The following DMD variants were observed in gnomAD, a reference collection of about 807,000 sequenced individuals.
DMD encodes the protein dystrophin.
In DMD, 63 loss-of-function variants were observed where a neutral mutation model predicts 330.1. The observed-to-expected ratio is 0.19, with a 90% CI of 0.16 to 0.24. DMD has a LOEUF of 0.24. Ranked by LOEUF, DMD falls within the 10% of genes least tolerant of loss-of-function variation. DMD has a pLI of 1.00. For missense variants in DMD, 3,344 were observed against 2,684.1 expected (o/e 1.25, Z -5.43); for synonymous variants, 1,223 against 959.8 (o/e 1.27, Z -5.07).
intron 2 of DMD, among the ~76,000 whole-genome samples, chrX:32,986,032 T>C (rs1205917927): frequency 8.9e-6 from 1 of 111,892 alleles, no homozygotes; most frequent in African/African-American, 3.2e-5. Flanking sequence ...ATTACTTTTC[T>C]AAATTGCGAC....
chrX:32,433,019 G>C (rs189138002), intron 29 of DMD, among the ~76,000 whole-genome samples: 123 of 112,166 alleles, frequency 1.1e-3, no homozygotes, highest in African/African-American at 3.5e-3. Context: ...TGAAATACGG[G>C]CATTAATAAG....
intron 2 of DMD, among the ~76,000 whole-genome samples, chrX:32,977,315 A>G (rs1018746090): frequency 2.7e-5 from 3 of 111,055 alleles, no homozygotes; most frequent in Non-Finnish European, 5.7e-5. Context: ...AAAGAAAAAA[A>G]GAAATAATGT....
At chrX:32,146,374 G>A (rs1194250916) in intron 44 of DMD, among the ~76,000 whole-genome samples, 7 of 111,451 alleles carry the variant, frequency 6.3e-5, no homozygotes, top group African/African-American at 2.3e-4. Flanking sequence ...GGGATGGTGG[G>A]AGAGAGAGAA....
chrX:32,590,716 C>T (rs1262265539), intron 13 of DMD, among the ~76,000 whole-genome samples: 2 of 111,430 alleles, frequency 1.8e-5, no homozygotes, highest in Non-Finnish European at 3.8e-5. Flanking sequence ...CCAGTGATTT[C>T]CCAGGGGCTC....
At chrX:32,961,163 G>T (rs920775436) in intron 2 of DMD, among the ~76,000 whole-genome samples, 1 of 110,883 alleles carries the variant, frequency 9.0e-6, no homozygotes, top group African/African-American at 3.3e-5. Flanking sequence ...GGTATGGCTT[G>T]GTTTCTGGCT....
At chrX:32,849,295 G>A (rs1207198404) in intron 3 of DMD, among the ~76,000 whole-genome samples, 1 of 111,319 alleles carries the variant, frequency 9.0e-6, no homozygotes, top group East Asian at 2.8e-4. Flanking sequence ...AGTTCAAGAG[G>A]AAGTGATATT....
At chrX:32,748,700 G>A (rs112386435) in intron 7 of DMD, among the ~76,000 whole-genome samples, 8,481 of 111,564 alleles carry the variant, frequency 0.076, 663 homozygotes, top group African/African-American at 0.24. Flanking sequence ...CAATACATAG[G>A]GATTGACTAA....
chrX:31,792,697 A>G (rs1302251767), intron 50 of DMD, among the ~76,000 whole-genome samples: 4 of 111,807 alleles, frequency 3.6e-5, no homozygotes, highest in Non-Finnish European at 7.5e-5. Flanking sequence ...GGGAGTGTGC[A>G]AGCAAACGAG....
intron 2 of DMD, among the ~76,000 whole-genome samples, chrX:32,909,177 A>C (rs1471108294): frequency 1.9e-5 from 2 of 105,069 alleles, no homozygotes; most frequent in African/African-American, 3.4e-5. Context: ...AAAAAAAGTA[A>C]CCTGAGTATA....
chrX:32,416,104 T>G (rs1195531944), intron 29 of DMD, among the ~76,000 whole-genome samples: 1 of 111,752 alleles, frequency 8.9e-6, no homozygotes, highest in African/African-American at 3.2e-5. Flanking sequence ...ACTCTGCATG[T>G]GAAATAAAAA....
At chrX:33,229,762 A>G (rs1335214508) in intron 1 of DMD, among the ~76,000 whole-genome samples, 1 of 111,742 alleles carries the variant, frequency 8.9e-6, no homozygotes, top group East Asian at 2.8e-4. Context: ...ACTTTTCCGT[A>G]TAAATTTAGA....
At chrX:32,855,305 A>G (rs765672995) in intron 2 of DMD, among the ~76,000 whole-genome samples, 6 of 112,104 alleles carry the variant, frequency 5.4e-5, no homozygotes, top group Non-Finnish European at 1.1e-4. Context: ...ACATATTACT[A>G]CAAGTCCTAG....
Position 31,479,047 on chromosome X carries a change from A to G in DMD, c.8604T>C (p.Thr2868=). The G allele has an allele frequency of 8.3e-7, 1 of 1,206,755 alleles. No individual in the cohort carries two copies. The highest frequency in any genetic ancestry group is 3.0e-5 in the East Asian group (1 of 33,813). Residue 2868 remains threonine, a synonymous_variant, in exon 58 of 79, where the codon ACT becomes ACC. Coordinates refer to ENST00000357033, the MANE Select transcript of DMD (RefSeq NM_004006.3). ...KEPVIMSTLE[T]VRIFLTEQPL... ...GCTGCTCTGTCAGAAATATTCGTAC[A>G]GTCTCAAGAGTACTCATGATTACAG...
intron 43 of DMD, among the ~76,000 whole-genome samples, chrX:32,241,608 G>C (rs780242020): frequency 3.6e-5 from 4 of 112,098 alleles, no homozygotes; most frequent in African/African-American, 1.3e-4. Context: ...CTGTTGTTTT[G>C]TGGTTCAGTG....
intron 45 of DMD, among the ~76,000 whole-genome samples, chrX:31,955,003 CA>C (rs530305580): frequency 0.22 from 13,389 of 60,144 alleles, 1,444 homozygotes; most frequent in African/African-American, 0.4. Context: ...CTGCCTCTAC[CA>C]AAAAAAAAAA....
intron 34 of DMD, among the ~76,000 whole-genome samples, chrX:32,371,742 T>G (rs749411878): frequency 7.2e-5 from 8 of 111,284 alleles, no homozygotes; most frequent in Non-Finnish European, 1.5e-4. Flanking sequence ...AATGGGATGT[T>G]CAGATTGATT....
intron 51 of DMD, among the ~76,000 whole-genome samples, chrX:31,763,923 TG>T (rs1296211235): frequency 6.3e-5 from 7 of 111,625 alleles, no homozygotes; most frequent in African/African-American, 2.3e-4. Context: ...TTGCCCAGGT[TG>T]GAATCCAGTG....
At chrX:32,599,750 C>A (rs2055979543) in intron 12 of DMD, among the ~76,000 whole-genome samples, 1 of 111,623 alleles carries the variant, frequency 9.0e-6, no homozygotes, top group African/African-American at 3.2e-5. Flanking sequence ...TACACACATA[C>A]TAGGTACTTT....
intron 7 of DMD, among the ~76,000 whole-genome samples, chrX:32,804,039 A>T (rs2076778706): frequency 9.0e-6 from 1 of 111,395 alleles, no homozygotes; most frequent in South Asian, 3.8e-4. Context: ...GATCTGTCTA[A>T]TATTGACAGT....
Sources: gnomAD v4.1 joint callset for allele counts (sites outside exome capture counted in the v4.1 genomes callset) on GRCh38, gnomAD v4.1.1 for gene constraint, MANE v1.5 for transcripts, NCBI Gene and HGNC (gene_info 2026-07-23, HGNC 2026-07-21) for gene names.